The following POLE variants were observed in gnomAD, a reference collection of about 807,000 sequenced individuals.
POLE encodes DNA polymerase epsilon catalytic subunit A.
Under a neutral mutation model 279.2 loss-of-function variants are expected in POLE, and 188 were observed. The ratio of observed to expected loss-of-function variants is 0.67; its 90% CI spans 0.60 to 0.76. The LOEUF (loss-of-function observed/expected upper bound fraction) is 0.76, where lower values mean the gene tolerates loss of function less well. Among genes scored for constraint, POLE ranks in the 30% least tolerant of loss-of-function variants. The pLI is 0.00. For synonymous variants in POLE, 1,214 were observed against 1,172.5 expected (o/e 1.04, Z -0.72); for missense variants, 2,703 against 3,016.7 (o/e 0.90, Z 2.44).
At position 132,636,440 on chromosome 12, in the gene POLE, G is replaced by GAA. The variant is rs2042034302; in HGVS notation, c.5679-417_5679-416insTT. Among the ~76,000 whole-genome samples, 20 of 70,364 alleles carry GAA rather than the reference G, an allele frequency of 2.8e-4. 2 individuals are homozygous for GAA. The highest frequency in any genetic ancestry group is 7.4e-4 in the East Asian group (2 of 2,716). The allele number at this position is 70,364 out of a possible 152,430, so 46.2% of individuals were successfully genotyped here. On this transcript the variant is annotated intron_variant, in intron 41 of 48. Transcript: ENST00000320574. ...TCCTCTGCACATTAGATCCATTTAA[G>GAA]GAAAAAAAAAAAAAAAAAAAAAAAA...
In POLE at chr12:132,641,865, C is replaced by T. The variant is rs371196329; in HGVS notation, c.5174-14G>A. The T allele has an allele frequency of 2.8e-5, 45 of 1,597,750 alleles. No individual in the cohort carries two copies. The highest frequency in any genetic ancestry group is 3.4e-5 in the Non-Finnish European group (40 of 1,179,014). On this transcript the variant is annotated splice_polypyrimidine_tract_variant and intron_variant, in intron 38 of 48. Coordinates refer to ENST00000320574, the MANE Select transcript of POLE (RefSeq NM_006231.4). ...GCTCCACACACACTGCACAGGAAGA[C>T]GCCATGCTCAGCCAGCATCCTGCCA... is the stretch of plus-strand genomic sequence containing the variant.
At chr12:132,646,177 A>G (rs186531729) in intron 32 of POLE, among the ~76,000 whole-genome samples, 10 of 152,288 alleles carry the variant, frequency 6.6e-5, no homozygotes, top group Non-Finnish European at 1.2e-4. Context: ...ATTGACCACC[A>G]AAGAGTCTAC....
chr12:132,681,703 G>T (rs2043171396), intron 1 of POLE, among the ~76,000 whole-genome samples: 1 of 152,134 alleles, frequency 6.6e-6, no homozygotes, highest in African/African-American at 2.4e-5. Context: ...AAGATAAAAG[G>T]ACTCATTGGA....
intron 29 of POLE, among the ~76,000 whole-genome samples, chr12:132,656,000 T>C (rs2042525084): frequency 6.6e-6 from 1 of 151,038 alleles, no homozygotes; most frequent in Non-Finnish European, 1.5e-5. Context: ...CCGTCTCTAC[T>C]AAAAATTTAA....
At chr12:132,628,815 C>T (rs2041884257) in intron 45 of POLE, among the ~76,000 whole-genome samples, 1 of 152,240 alleles carries the variant, frequency 6.6e-6, no homozygotes, top group African/African-American at 2.4e-5. Context: ...GTTTCCACCA[C>T]ATCTGCAGTC....
intron 6 of POLE, among the ~76,000 whole-genome samples, chr12:132,679,002 C>T (rs931378492): frequency 6.6e-6 from 1 of 152,310 alleles, no homozygotes; most frequent in Non-Finnish European, 1.5e-5. Flanking sequence ...TAGGTTCTTC[C>T]GAAGTCATCT....
intron 25 of POLE, chr12:132,659,914 A>C: frequency 5.0e-6 from 1 of 198,630 alleles, no homozygotes; most frequent in Non-Finnish European, 1.0e-5. Flanking sequence ...CTGGTTTCCA[A>C]CTCCTGACCT....
At chr12:132,663,125 C>G (rs531346606) in intron 23 of POLE, among the ~76,000 whole-genome samples, 6 of 152,166 alleles carry the variant, frequency 3.9e-5, no homozygotes, top group South Asian at 2.1e-4. Flanking sequence ...TACACTGTCT[C>G]GAAGCACCTG....
Position 132,675,904 on chromosome 12 carries a change from G to A in POLE, c.1021-84C>T. The A allele has an allele frequency of 8.4e-7, 1 of 1,196,866 alleles. No homozygotes were observed. The highest frequency in any genetic ancestry group is 1.2e-6 in the Non-Finnish European group (1 of 806,230). The allele number at this position is 1,196,866 out of a possible 1,614,324, so 74.1% of individuals were successfully genotyped here. ...ATTCCTCTCCCAAAGTTCAGAAGCA[G>A]CAGCCTCATGTTGGCCCTTATTCCT... On this transcript the variant is annotated intron_variant, in intron 10 of 48. Transcript: ENST00000320574. The surrounding 1 kb of genome is among the most constrained non-coding windows in gnomAD (Gnocchi z 4.3).
chr12:132,672,371 T>C, intron 15 of POLE, 49 bp from the exon 16 acceptor site: 1 of 1,448,144 alleles, frequency 6.9e-7, no homozygotes, highest in Non-Finnish European at 9.7e-7. Context: ...ACACCCACAC[T>C]AGCCTGCCTC....
At position 132,675,282 on chromosome 12, in the gene POLE, G is replaced by GTT. The variant is rs2043018826; in HGVS notation, c.1226+115_1226+116insAA. The GTT allele has an allele frequency of 4.5e-6, 6 of 1,334,330 alleles. No individual in the cohort carries two copies. Among genetic ancestry groups the GTT allele is most frequent in the Non-Finnish European group, 6.1e-6 (6 of 976,112 alleles). 82.7% of individuals were successfully genotyped at this position (1,334,330 alleles called of 1,614,324 possible). On this transcript the variant is annotated intron_variant, in intron 12 of 48. Coordinates refer to ENST00000320574, the MANE Select transcript of POLE (RefSeq NM_006231.4). This position sits in a 1 kb window ranked among gnomAD's most constrained non-coding sequence, Gnocchi z 4.3. ...GCCATACTCTTGGGTGACCTGAAAC[G>GTT]GCCTCTCGGAGGCCACCCTCCTCCC...
At chr12:132,658,499 T>C (rs1267056843) in intron 26 of POLE, 4 of 155,068 alleles carry the variant, frequency 2.6e-5, no homozygotes, top group African/African-American at 9.6e-5. Flanking sequence ...CAGGCAAACG[T>C]GCACGTTCAT....
chr12:132,678,293 C>T (rs766869371), intron 6 of POLE, among the ~76,000 whole-genome samples: 1 of 151,666 alleles, frequency 6.6e-6, no homozygotes, highest in African/African-American at 2.4e-5. Flanking sequence ...AAAAAGAGGG[C>T]CAAGCATGGT....
At chr12:132,656,515 C>A (rs573086749) in intron 29 of POLE, among the ~76,000 whole-genome samples, 1 of 151,968 alleles carries the variant, frequency 6.6e-6, no homozygotes, top group Non-Finnish European at 1.5e-5. Context: ...CCCACCACTA[C>A]GCCTGGCTAA....
chr12:132,657,918 G>A lies in POLE; in HGVS notation c.3328C>T (p.Leu1110Phe). Residue 1110 changes from leucine (L) to phenylalanine (F), a missense_variant, in exon 27 of 49, where the codon CTC (leucine) becomes TTC (phenylalanine). Leu to Phe is a conservative substitution (Grantham distance 22). Around this residue, in one of 5 missense-constraint regions of POLE, gnomAD observed 1,551 missense variants for 1,686.1 expected, o/e 0.92. Transcript: ENST00000320574. The part of the protein sequence containing the change: ...QAEPTVRKHF[L>F]RKWLKSSSLQ... ...GAAGAGCTCTTGAGCCATTTCCGGA[G>A]AAAGTGCTTCCTCACCGTGGGCTCT... is the stretch of plus-strand genomic sequence containing the variant. 6.2e-7 allele frequency: 1 copy of A among 1,614,158 alleles called. No homozygotes were observed. The highest frequency in any genetic ancestry group is 1.1e-5 in the South Asian group (1 of 91,082).
At position 132,643,929 on chromosome 12, in the gene POLE, A is replaced by G. The variant is rs761011442; in HGVS notation, c.4198T>C (p.Tyr1400His). 3.7e-6 allele frequency: 6 copies of G among 1,613,810 alleles called. No individual in the cohort carries two copies. The highest frequency in any genetic ancestry group is 5.1e-6 in the Non-Finnish European group (6 of 1,179,938). ...TGGTACATGTCCTCTGGCACTGAATACTCATAGAGATTGTAGACCATGTTG... is the reference window on the plus strand; with the variant it reads ...TGGTACATGTCCTCTGGCACTGAATGCTCATAGAGATTGTAGACCATGTTG... ...RSNMVYNLYEYSVPEDMYQEH... is the reference protein window; with the variant it reads ...RSNMVYNLYEHSVPEDMYQEH... Residue 1400 changes from tyrosine (Y) to histidine (H), a missense_variant, in exon 33 of 49, where the codon TAT (tyrosine) becomes CAT (histidine). Physicochemically the swap from Tyr to His is moderately conservative, Grantham distance 83. Around this residue, in one of 5 missense-constraint regions of POLE, gnomAD observed 1,551 missense variants for 1,686.1 expected, o/e 0.92. Coordinates refer to ENST00000320574, the MANE Select transcript of POLE (RefSeq NM_006231.4).
chr12:132,624,823 A>T lies in POLE; in HGVS notation c.6748-13T>A. 6.2e-7 allele frequency: 1 copy of T among 1,602,132 alleles called. No homozygotes were observed. Among genetic ancestry groups the T allele is most frequent in the Non-Finnish European group, 8.6e-7 (1 of 1,169,046 alleles). On this transcript the variant is annotated splice_polypyrimidine_tract_variant and intron_variant, in intron 48 of 48. Coordinates refer to ENST00000320574, the MANE Select transcript of POLE (RefSeq NM_006231.4). The stretch of plus-strand genomic sequence containing the variant: ...GTTCCATGAAGACCTGCAGGAATAA[A>T]CAGGCACAGTGAGACCCCAGTCCAC...
In POLE at chr12:132,659,028, C is replaced by CA. The variant is rs201317836; in HGVS notation, c.3275+266dup. Among the ~76,000 whole-genome samples the CA allele has an allele frequency of 0.021, 3,154 of 152,210 alleles. 53 individuals are homozygous for CA. The highest frequency in any genetic ancestry group is 0.028 in the East Asian group (144 of 5,180). On this transcript the variant is annotated intron_variant, in intron 26 of 48. Coordinates refer to ENST00000320574, the MANE Select transcript of POLE (RefSeq NM_006231.4). ...CTGTCAGTGTTGTAACCTGTAGCTG[C>CA]AATTCAACCCTTTGAACTCTGGTAT...
chr12:132,636,369 G>A (rs1267372624), intron 41 of POLE, among the ~76,000 whole-genome samples: 5 of 136,158 alleles, frequency 3.7e-5, no homozygotes, highest in Middle Eastern at 4.7e-3. Flanking sequence ...TTAAGCTATC[G>A]TCATCCTTGT....
Sources: allele counts gnomAD v4.1 joint callset (sites outside exome capture counted in the v4.1 genomes callset), GRCh38; gene constraint gnomAD v4.1.1; regional missense constraint gnomAD v4.1.1; non-coding constraint Gnocchi (gnomAD v3.1); transcripts MANE v1.5; gene names NCBI Gene and HGNC (gene_info 2026-07-23, HGNC 2026-07-21).